Variants in SRFBP1 observed in about 807,000 individuals in gnomAD.
SRFBP1 encodes the protein serum response factor binding protein 1.
Under a neutral mutation model 45.5 loss-of-function variants are expected in SRFBP1, and 47 were observed. The observed-to-expected ratio is 1.03, with a 90% CI of 0.82 to 1.32. SRFBP1 has a LOEUF of 1.32. Among genes scored for constraint, SRFBP1 ranks in the 40% most tolerant of loss-of-function variants. The probability of loss-of-function intolerance (pLI) is 0.00; values close to 1 mark genes in which losing one functional copy is unlikely to be tolerated. For synonymous variants in SRFBP1, 203 were observed against 166.3 expected, an observed-to-expected ratio of 1.22 and a Z score of -1.70; for missense variants, 621 against 484.6, an observed-to-expected ratio of 1.28 and a Z score of -2.64.
intron 3 of SRFBP1, among the ~76,000 whole-genome samples, chr5:121,983,812 A>G (rs1236793860): frequency 6.6e-6 from 1 of 151,730 alleles, no homozygotes; most frequent in Non-Finnish European, 1.5e-5. Context: ...GCTGCCAGCA[A>G]AAACCTGACA....
At chr5:122,038,513 A>G (rs564626508) in intron 2 of SRFBP1, among the ~76,000 whole-genome samples, 1 of 152,340 alleles carries the variant, frequency 6.6e-6, no homozygotes, top group African/African-American at 2.4e-5. Flanking sequence ...TTTGCAAGCA[A>G]AACAAAAATG....
chr5:122,049,877 T>C (rs974176105), intron 2 of SRFBP1, among the ~76,000 whole-genome samples: 1 of 152,078 alleles, frequency 6.6e-6, no homozygotes, highest in Non-Finnish European at 1.5e-5. Flanking sequence ...TTCAAAGCAG[T>C]GTGTAGAGGG....
chr5:122,022,064 A>C (rs73795207), intron 6 of SRFBP1, among the ~76,000 whole-genome samples: 38,399 of 151,896 alleles, frequency 0.25, 6,019 homozygotes, highest in African/African-American at 0.45. Flanking sequence ...AATTCTTTAT[A>C]TAGATAATCC....
At chr5:122,076,371 T>G (rs1228484748), downstream of SRFBP1, among the ~76,000 whole-genome samples, 1 of 152,182 alleles carries the variant, frequency 6.6e-6, no homozygotes, top group Admixed American at 6.5e-5. Context: ...TATTTTAGAA[T>G]AGTGGAAAAA....
chr5:122,004,633 CTT>C (rs1366127246), intron 4 of SRFBP1, among the ~76,000 whole-genome samples: 1 of 152,044 alleles, frequency 6.6e-6, no homozygotes, highest in Non-Finnish European at 1.5e-5. Context: ...TTGATCTCCT[CTT>C]GTTTTTCTCA....
At chr5:122,042,073 T>C (rs971172586) in intron 2 of SRFBP1, among the ~76,000 whole-genome samples, 3 of 152,194 alleles carry the variant, frequency 2.0e-5, no homozygotes, top group African/African-American at 7.2e-5. Flanking sequence ...TGTTGTTCTT[T>C]AAACATTTCT....
intron 2 of SRFBP1, among the ~76,000 whole-genome samples, chr5:122,043,924 G>C (rs188841729): frequency 6.6e-6 from 1 of 152,224 alleles, no homozygotes; most frequent in Non-Finnish European, 1.5e-5. Flanking sequence ...CTTGTCACAG[G>C]AGGTTGGTGT....
At position 122,073,958 on chromosome 5, in the gene SRFBP1, G is replaced by A. The variant is rs548738189; in HGVS notation, n.312-1357G>A. On this transcript the variant is annotated intron_variant and non_coding_transcript_variant, in intron 2 of 2. Coordinates refer to the SRFBP1 transcript ENST00000504881. ...TGCTATTTAATGCTAACTAACGGTAGATGACCCGTTTCTCTCTGAGGCTTG... is the reference window on the plus strand; with the variant it reads ...TGCTATTTAATGCTAACTAACGGTAAATGACCCGTTTCTCTCTGAGGCTTG... 2.6e-6 allele frequency: 4 copies of A among 1,523,356 alleles called. No individual in the cohort carries two copies. In the Admixed American group the frequency reaches 5.1e-5, roughly 19 times the overall value. The allele number at this position is 1,523,356 out of a possible 1,614,324, so 94.4% of individuals were successfully genotyped here. A position where few individuals can be genotyped will look rare whatever the true frequency, so the allele number is the denominator to read the frequency against.
At chr5:122,003,047 C>T (rs532878399) in intron 4 of SRFBP1, among the ~76,000 whole-genome samples, 1 of 152,028 alleles carries the variant, frequency 6.6e-6, no homozygotes, top group Non-Finnish European at 1.5e-5. Flanking sequence ...ATAATTCATT[C>T]ATAAAGAGAA....
In SRFBP1 at chr5:122,052,651, G is replaced by A. The variant is rs79402663; in HGVS notation, n.312-22664G>A. 5.2e-3 allele frequency among the ~76,000 whole-genome samples: 798 copies of A among 152,078 alleles called. 20 individuals carry two copies. The East Asian group carries it at 0.054, about 10-fold the overall frequency. Reference sequence around the variant, plus strand: ...GATTTCATCTGTCAGCTCCTGTATCGTTTTACAGTGATTCTTAGCTTCCTT... The same window carrying A: ...GATTTCATCTGTCAGCTCCTGTATCATTTTACAGTGATTCTTAGCTTCCTT... On this transcript the variant is annotated intron_variant and non_coding_transcript_variant, in intron 2 of 2. Transcript: ENST00000504881.
intron 2 of SRFBP1, among the ~76,000 whole-genome samples, chr5:122,047,084 C>T (rs1753875177): frequency 6.6e-6 from 1 of 152,170 alleles, no homozygotes; most frequent in Non-Finnish European, 1.5e-5. Context: ...GCTTTTGTTG[C>T]CATTGCTTTT....
At chr5:122,037,388 G>A (rs1471035342) in intron 2 of SRFBP1, among the ~76,000 whole-genome samples, 1 of 152,192 alleles carries the variant, frequency 6.6e-6, no homozygotes, top group Non-Finnish European at 1.5e-5. Context: ...GGCTAACTTT[G>A]TAGCTTGCAG....
At chr5:122,077,895 G>A (rs1307475150), downstream of SRFBP1, 4 of 1,521,778 alleles carry the variant, frequency 2.6e-6, no homozygotes, top group East Asian at 2.5e-5. This position sits in a 1 kb window ranked among gnomAD's most constrained non-coding sequence, Gnocchi z 4.9. Flanking sequence ...TCGCGCGGGG[G>A]CTGCTGTTGG....
rs1334298894 is a variant in SRFBP1, at chr5:122,020,653, A to G, written c.918A>G (p.Glu306=). ...GTAGTTGTCATTCTTCAGTTAAGGA[A>G]CAAAAACCACTAGAAAAAGTGTTTC... is the stretch of plus-strand genomic sequence containing the variant. ...KESSCHSSVK[E]QKPLEKVFLK... is the part of the protein sequence containing the mutation. Residue 306 remains glutamate, a synonymous_variant, in exon 6 of 8, where the codon GAA becomes GAG. Coordinates refer to ENST00000339397, the MANE Select transcript of SRFBP1 (RefSeq NM_152546.3). 1.2e-6 allele frequency: 2 copies of G among 1,614,048 alleles called. No homozygotes were observed. Among genetic ancestry groups the G allele is most frequent in the South Asian group, 1.1e-5 (1 of 91,046 alleles).
intron 3 of SRFBP1, among the ~76,000 whole-genome samples, chr5:121,985,796 A>G (rs1752506559): frequency 6.6e-6 from 1 of 151,788 alleles, no homozygotes; most frequent in African/African-American, 2.4e-5. Context: ...ATCTTTTGTA[A>G]TTTATTTTTG....
intron 4 of SRFBP1, among the ~76,000 whole-genome samples, chr5:122,008,811 T>G (rs573355858): frequency 6.6e-6 from 1 of 152,134 alleles, no homozygotes; most frequent in South Asian, 2.1e-4. Flanking sequence ...TGGAGTTACT[T>G]GGTTATGGAA....
At chr5:122,077,919 G>C (rs1754691838), downstream of SRFBP1, 8 of 1,518,594 alleles carry the variant, frequency 5.3e-6, no homozygotes, top group Non-Finnish European at 7.0e-6. This position sits in a 1 kb window ranked among gnomAD's most constrained non-coding sequence, Gnocchi z 4.9. Context: ...GCGGCGGGAG[G>C]GGCGCAGTGC....
At chr5:122,077,953 C>T (rs1266561783), downstream of SRFBP1, 2 of 1,478,440 alleles carry the variant, frequency 1.4e-6, no homozygotes, top group Non-Finnish European at 1.8e-6. The surrounding 1 kb of genome is among the most constrained non-coding windows in gnomAD (Gnocchi z 4.9). Flanking sequence ...GCTGCAAAGG[C>T]CCGAGCAGGA....
At chr5:121,985,590 T>G (rs992611929) in intron 3 of SRFBP1, among the ~76,000 whole-genome samples, 1 of 151,886 alleles carries the variant, frequency 6.6e-6, no homozygotes, top group African/African-American at 2.4e-5. Flanking sequence ...GGGCAGTGTT[T>G]ACTGACATGT....
Sources: allele counts gnomAD v4.1 joint callset (sites outside exome capture counted in the v4.1 genomes callset), GRCh38; gene constraint gnomAD v4.1.1; non-coding constraint Gnocchi (gnomAD v3.1); transcripts MANE v1.5; gene names NCBI Gene and HGNC (gene_info 2026-07-23, HGNC 2026-07-21).